Variants in TMEM273 observed in about 807,000 individuals in gnomAD.
TMEM273 encodes the protein chromosome 10 open reading frame 128.
TMEM273 carries 19 observed loss-of-function variants against 17.9 expected under a neutral mutation model. The ratio of observed to expected loss-of-function variants is 1.06; its 90% CI spans 0.74 to 1.55. The LOEUF (loss-of-function observed/expected upper bound fraction) is 1.55, where lower values mean the gene tolerates loss of function less well. TMEM273 is among the 40% of genes most tolerant of loss of function. The probability of loss-of-function intolerance (pLI) is 0.00; values close to 1 mark genes in which losing one functional copy is unlikely to be tolerated. For synonymous variants in TMEM273, 66 were observed against 62.0 expected, an observed-to-expected ratio of 1.07 and a Z score of -0.31; for missense variants, 194 against 155.6, an observed-to-expected ratio of 1.25 and a Z score of -1.31.
intron 6 of TMEM273, chr10:49,156,145 A>G (rs1196307224): frequency 6.5e-7 from 1 of 1,530,626 alleles, no homozygotes; most frequent in African/African-American, 1.4e-5. Flanking sequence ...AAGGCAAACA[A>G]AACTTCATCC....
At chr10:49,166,578 A>G (rs1156571913) in intron 3 of TMEM273, 1 of 405,526 alleles carries the variant, frequency 2.5e-6, no homozygotes. Context: ...TGCCAAGAGC[A>G]ACTGAAAGGA....
intron 1 of TMEM273, 55 bp downstream of exon 1, chr10:49,188,239 G>A: frequency 6.2e-7 from 1 of 1,601,392 alleles, no homozygotes; most frequent in Non-Finnish European, 8.6e-7. Flanking sequence ...GGCTCCCCCA[G>A]TTTCCTGCCC....
chr10:49,165,426 T>A (rs1590198132), intron 4 of TMEM273, 143 bp from the exon 5 acceptor site: 23 of 1,502,260 alleles, frequency 1.5e-5, no homozygotes, highest in Non-Finnish European at 1.9e-5. Flanking sequence ...ACAAACCACG[T>A]GTGACCTCCC....
At chr10:49,170,434 C>T (rs1457614560) in intron 1 of TMEM273, among the ~76,000 whole-genome samples, 2 of 152,156 alleles carry the variant, frequency 1.3e-5, no homozygotes, top group African/African-American at 2.4e-5. Context: ...GTTCAGCTCA[C>T]CCCCAAAAAG....
intron 1 of TMEM273, among the ~76,000 whole-genome samples, chr10:49,171,900 C>T (rs1038017498): frequency 4.6e-5 from 7 of 152,234 alleles, no homozygotes; most frequent in Non-Finnish European, 8.8e-5. Context: ...CTGTTGGGTC[C>T]ACCCTTGATG....
chr10:49,155,735 A>G lies in TMEM273; in HGVS notation c.*157T>C. ...TTTTCCTTCAGGACAGAGGCACTGT[A>G]TATTCTATTCCTTCTATTATTTGCC... On this transcript the variant is annotated 3_prime_UTR_variant, in exon 7 of 7. Transcript: ENST00000374153. 1.0e-6 allele frequency: 1 copy of G among 987,914 alleles called. No homozygotes were observed. The highest frequency in any genetic ancestry group is 1.5e-5 in the South Asian group (1 of 65,850). 61.2% of individuals were successfully genotyped at this position (987,914 alleles called of 1,614,324 possible).
intron 5 of TMEM273, among the ~76,000 whole-genome samples, chr10:49,163,336 C>T (rs987031079): frequency 6.6e-6 from 1 of 150,754 alleles, no homozygotes; most frequent in East Asian, 1.9e-4. Context: ...AGAGATGGGA[C>T]ATATGGCATC....
intron 1 of TMEM273, among the ~76,000 whole-genome samples, chr10:49,175,640 C>G (rs181304190): frequency 1.4e-4 from 22 of 152,376 alleles, no homozygotes; most frequent in African/African-American, 4.8e-4. Context: ...CCTTTTCAGG[C>G]TAATGGAGGG....
chr10:49,161,760 C>A, intron 5 of TMEM273, 138 bp from the exon 6 acceptor site: 2 of 1,008,064 alleles, frequency 2.0e-6, no homozygotes, highest in Non-Finnish European at 3.0e-6. Flanking sequence ...CTCAGCCTGA[C>A]TCCATCTAGT....
Position 49,161,641 on chromosome 10 carries a change from G to C in TMEM273, c.349-19C>G, listed in dbSNP as rs187575558. ...GTTTCGCCTGCAAAACAAGATAAAA[G>C]GGTGTTCATTGCCTAAGCCTTAGAA... is the stretch of plus-strand genomic sequence containing the variant. On this transcript the variant is annotated intron_variant, in intron 5 of 6. Transcript: ENST00000374153. 5.8e-5 allele frequency: 94 copies of C among 1,614,214 alleles called. No homozygotes were observed. The African/African-American group carries it at 1.2e-3, about 21-fold the overall frequency.
Position 49,171,845 on chromosome 10 carries a change from G to T in TMEM273, c.44-3883C>A, listed in dbSNP as rs140239091. Among the ~76,000 whole-genome samples, 974 of 151,166 alleles carry T rather than the reference G, an allele frequency of 6.4e-3. 13 individuals are homozygous for T. The highest frequency in any genetic ancestry group is 0.022 in the African/African-American group (911 of 40,720). ...CCCCATCTCACTTGGAATCTGACCT[G>T]CTGAGAGCCCATCCCCGGCATCCAG... On this transcript the variant is annotated intron_variant, in intron 1 of 6. Coordinates refer to ENST00000374153, the MANE Select transcript of TMEM273 (RefSeq NM_001288740.3).
At chr10:49,163,579 G>C (rs1845983929) in intron 5 of TMEM273, among the ~76,000 whole-genome samples, 1 of 152,134 alleles carries the variant, frequency 6.6e-6, no homozygotes, top group Non-Finnish European at 1.5e-5. Flanking sequence ...CTTTTACAGA[G>C]CCTCTTCTCA....
intron 5 of TMEM273, among the ~76,000 whole-genome samples, chr10:49,164,886 C>T (rs976571574): frequency 4.6e-5 from 7 of 152,094 alleles, no homozygotes; most frequent in African/African-American, 1.4e-4. Flanking sequence ...GCCTGTCTCC[C>T]CTGTAGACTG....
At chr10:49,156,074 CA>C in intron 6 of TMEM273, 165 bp from the exon 7 acceptor site, 1 of 1,545,014 alleles carries the variant, frequency 6.5e-7, no homozygotes, top group Non-Finnish European at 8.7e-7. Flanking sequence ...AACTGAAGGC[CA>C]GTGGCTTCTG....
In TMEM273 at chr10:49,164,337, C is replaced by T. The variant is rs76790970; in HGVS notation, c.348+868G>A. On this transcript the variant is annotated intron_variant, in intron 5 of 6. Transcript: ENST00000374153. ...GGCCAGCTCCTCCTTAACTTTGTTC[C>T]CATCTTTCATTTTTTCCATTGCCTC... 1.4e-3 allele frequency among the ~76,000 whole-genome samples: 213 copies of T among 152,256 alleles called. 1 individual carries two copies. The highest frequency in any genetic ancestry group is 4.6e-3 in the African/African-American group (192 of 41,532).
At chr10:49,178,243 C>A (rs1382239378) in intron 1 of TMEM273, 3 of 457,430 alleles carry the variant, frequency 6.6e-6, no homozygotes, top group Non-Finnish European at 1.3e-5. Flanking sequence ...TTGCCCGGGG[C>A]CTCAGCAGAG....
At chr10:49,158,399 C>G (rs1157887043) in intron 6 of TMEM273, among the ~76,000 whole-genome samples, 4 of 152,038 alleles carry the variant, frequency 2.6e-5, no homozygotes. Flanking sequence ...TAAAATTCTC[C>G]ACTGGGACCT....
rs555341666 is a variant in TMEM273, at chr10:49,177,413, T to G, written c.44-9451A>C. On this transcript the variant is annotated intron_variant, in intron 1 of 6. Coordinates refer to ENST00000374153, the MANE Select transcript of TMEM273 (RefSeq NM_001288740.3). ...AAACCTCCCTCTCTGTTTGCCTGAGTGCTGACCCGGTTCCTGAACTCTCAA... is the reference window on the plus strand; with the variant it reads ...AAACCTCCCTCTCTGTTTGCCTGAGGGCTGACCCGGTTCCTGAACTCTCAA... Among the ~76,000 whole-genome samples, 72 of 152,266 alleles carry G rather than the reference T, an allele frequency of 4.7e-4. 1 individual carries two copies. In the South Asian group the frequency reaches 6.0e-3, roughly 13 times the overall value.
chr10:49,170,484 G>C (rs1590214690), intron 1 of TMEM273, among the ~76,000 whole-genome samples: 1 of 152,126 alleles, frequency 6.6e-6, no homozygotes, highest in Admixed American at 6.5e-5. Context: ...GTCCCATCCT[G>C]TGTCCCCTCC....
Sources: allele counts gnomAD v4.1 joint callset (sites outside exome capture counted in the v4.1 genomes callset), GRCh38; gene constraint gnomAD v4.1.1; transcripts MANE v1.5; gene names NCBI Gene and HGNC (gene_info 2026-07-23, HGNC 2026-07-21).